The following ACO1 variants were observed in gnomAD, a reference collection of about 807,000 sequenced individuals.
ACO1 encodes cytoplasmic aconitate hydratase.
In ACO1, 78 loss-of-function variants were observed where a neutral mutation model predicts 105.1. The observed-to-expected ratio is 0.74, with a 90% confidence interval of 0.62 to 0.90. The LOEUF (loss-of-function observed/expected upper bound fraction) is 0.90, where lower values mean the gene tolerates loss of function less well. Ranked by LOEUF, ACO1 falls within the 40% of genes least tolerant of loss-of-function variation. The probability of loss-of-function intolerance (pLI) is 0.00; values close to 1 mark genes in which losing one functional copy is unlikely to be tolerated. For synonymous variants in ACO1, 364 were observed against 397.4 expected, an observed-to-expected ratio of 0.92 and a Z score of 1.00; for missense variants, 965 against 1,111.1, an observed-to-expected ratio of 0.87 and a Z score of 1.87.
At position 32,445,096 on chromosome 9, in the gene ACO1, G is replaced by A. The variant is rs538916309; in HGVS notation, c.2371-3800G>A. Among the ~76,000 whole-genome samples, 218 of 152,214 alleles carry A rather than the reference G, an allele frequency of 1.4e-3. 1 individual carries two copies. Among genetic ancestry groups the A allele is most frequent in the South Asian group, 6.0e-3 (29 of 4,824 alleles). ...ATTTTTTTTGGTTGTGTCTCTGCCCGGCTTTGGTATCAGGATGATGCTGGC... is the reference window on the plus strand; with the variant it reads ...ATTTTTTTTGGTTGTGTCTCTGCCCAGCTTTGGTATCAGGATGATGCTGGC... On this transcript the variant is annotated intron_variant, in intron 19 of 20. Transcript: ENST00000309951.
intron 17 of ACO1, chr9:32,435,924 T>A: frequency 2.2e-6 from 1 of 446,970 alleles, no homozygotes. Context: ...TAGCTCTTTA[T>A]CTTATATGAA....
chr9:32,396,644 T>C (rs983579725), intron 1 of ACO1, among the ~76,000 whole-genome samples: 1 of 144,602 alleles, frequency 6.9e-6, no homozygotes, highest in African/African-American at 2.5e-5. Context: ...CCCTGTACTT[T>C]CTACTGCTTT....
chr9:32,425,272 G>A (rs13293491), intron 10 of ACO1, among the ~76,000 whole-genome samples: 48,162 of 152,090 alleles, frequency 0.32, 8,061 homozygotes, highest in East Asian at 0.53. Context: ...TCTTACATGC[G>A]GTAGATTTTC....
intron 1 of ACO1, among the ~76,000 whole-genome samples, chr9:32,385,657 TGAA>T (rs761468937): frequency 8.5e-5 from 13 of 152,364 alleles, no homozygotes; most frequent in Admixed American, 3.3e-4. Context: ...CAAGCGTAAT[TGAA>T]GACAGCTGGA....
At chr9:32,442,259 T>A (rs968256918) in intron 19 of ACO1, among the ~76,000 whole-genome samples, 3 of 152,002 alleles carry the variant, frequency 2.0e-5, no homozygotes, top group African/African-American at 7.3e-5. Context: ...CTCAAAATTG[T>A]AAGAATCACT....
intron 8 of ACO1, 65 bp from the exon 9 acceptor site, chr9:32,423,254 G>C: frequency 2.2e-6 from 2 of 899,190 alleles, no homozygotes; most frequent in Non-Finnish European, 1.7e-6. Flanking sequence ...GGAAGTATCA[G>C]TTTATAAACT....
chr9:32,429,338 C>G (rs1822173534), intron 12 of ACO1, 81 bp from the exon 13 acceptor site: 1 of 1,307,024 alleles, frequency 7.7e-7, no homozygotes, highest in Middle Eastern at 2.0e-4. Flanking sequence ...GAACAGTGGT[C>G]TCTGGAAACT....
chr9:32,433,798 C>T lies in ACO1; in HGVS notation c.1922C>T (p.Thr641Met), dbSNP rs770368084. 4.3e-6 allele frequency: 7 copies of T among 1,612,200 alleles called. No individual in the cohort carries two copies. The highest frequency in any genetic ancestry group is 5.1e-6 in the Non-Finnish European group (6 of 1,179,524). ...DKLFFWNSKS[T>M]YIKSPPFFEN... The stretch of plus-strand genomic sequence containing the variant: ...CTGTTTTTCTGGAATTCCAAATCTA[C>T]GTATATCAAATCACCACCATTCTTT... The change falls in exon 16 of 21, where the codon ACG becomes ATG. Residue 641 changes from threonine (T) to methionine (M), a missense_variant. Thr to Met is a moderately conservative substitution (Grantham distance 81). Transcript: ENST00000309951.
At chr9:32,388,428 G>C (rs1279490229) in intron 1 of ACO1, among the ~76,000 whole-genome samples, 2 of 152,114 alleles carry the variant, frequency 1.3e-5, no homozygotes, top group African/African-American at 4.8e-5. Context: ...CCAGCTACTT[G>C]GGAGGCAGAG....
At chr9:32,447,770 T>C (rs1033411737) in intron 19 of ACO1, among the ~76,000 whole-genome samples, 1 of 152,200 alleles carries the variant, frequency 6.6e-6, no homozygotes, top group African/African-American at 2.4e-5. Flanking sequence ...GTCCTTTTGG[T>C]TGATGTTGAT....
At position 32,393,176 on chromosome 9, in the gene ACO1, A is replaced by G. The variant is rs146935110; in HGVS notation, c.-23+8441A>G. Reference sequence around the variant, plus strand: ...ACTGCCGGTGAGCCGGGGGGGAAACAGAGCCATATGTCTCTTCTTTCTAAA... The same window carrying G: ...ACTGCCGGTGAGCCGGGGGGGAAACGGAGCCATATGTCTCTTCTTTCTAAA... On this transcript the variant is annotated intron_variant, in intron 1 of 20. Transcript: ENST00000309951. Among the ~76,000 whole-genome samples, 4 of 152,386 alleles carry G rather than the reference A, an allele frequency of 2.6e-5. No individual in the cohort carries two copies. The East Asian group carries it at 7.7e-4, about 29-fold the overall frequency.
At chr9:32,397,027 C>G (rs1440169173) in intron 1 of ACO1, among the ~76,000 whole-genome samples, 1 of 151,482 alleles carries the variant, frequency 6.6e-6, no homozygotes, top group Admixed American at 6.6e-5. Context: ...GGTCAGTTAT[C>G]CAGGATGAGA....
Position 32,440,574 on chromosome 9 carries a change from G to C in ACO1, c.2357G>C (p.Gly786Ala). Residue 786 changes from glycine to alanine, a missense_variant, in exon 19 of 21, where the codon GGC (glycine) becomes GCC (alanine). Gly to Ala is a moderately conservative substitution (Grantham distance 60, BLOSUM62 0). Transcript: ENST00000309951. ...AGCTCCCGAGACTGGGCAGCTAAGGGCCCTTTCCTGCTGGTGAGTATGAAG... is the reference window on the plus strand; with the variant it reads ...AGCTCCCGAGACTGGGCAGCTAAGGCCCCTTTCCTGCTGGTGAGTATGAAG... ...AGSSRDWAAK[G>A]PFLLGIKAVL... The C allele has an allele frequency of 1.2e-6, 2 of 1,613,808 alleles. No individual in the cohort carries two copies. Among genetic ancestry groups the C allele is most frequent in the Non-Finnish European group, 1.7e-6 (2 of 1,179,844 alleles).
chr9:32,407,222 C>T, intron 2 of ACO1, 39 bp from the exon 3 acceptor site: 1 of 1,603,778 alleles, frequency 6.2e-7, no homozygotes, highest in Admixed American at 1.7e-5. Flanking sequence ...CTTAAGTTGT[C>T]TCACAGGTTT....
At chr9:32,386,916 A>T (rs1821167189) in intron 1 of ACO1, among the ~76,000 whole-genome samples, 1 of 152,210 alleles carries the variant, frequency 6.6e-6, no homozygotes, top group African/African-American at 2.4e-5. Context: ...TAGCTTTGAT[A>T]ACTGCTGGTT....
intron 1 of ACO1, among the ~76,000 whole-genome samples, chr9:32,398,316 G>T (rs1206080622): frequency 6.6e-6 from 1 of 152,186 alleles, no homozygotes; most frequent in Non-Finnish European, 1.5e-5. Context: ...CTTAAAGTAA[G>T]TCGACTGTTC....
At chr9:32,428,026 G>A (rs1822138303) in intron 12 of ACO1, among the ~76,000 whole-genome samples, 2 of 151,834 alleles carry the variant, frequency 1.3e-5, no homozygotes, top group Non-Finnish European at 2.9e-5. Flanking sequence ...TGTAATATCA[G>A]TGCTTTGGGA....
At chr9:32,385,247 A>G (rs142911689) in intron 1 of ACO1, among the ~76,000 whole-genome samples, 4 of 152,302 alleles carry the variant, frequency 2.6e-5, no homozygotes, top group African/African-American at 9.6e-5. Flanking sequence ...AGATTCAGAG[A>G]TCTAGAAAGG....
At chr9:32,390,793 T>G (rs1204800329) in intron 1 of ACO1, among the ~76,000 whole-genome samples, 1 of 152,194 alleles carries the variant, frequency 6.6e-6, no homozygotes, top group Admixed American at 6.5e-5. Flanking sequence ...TTCGAGCCAA[T>G]ATAAAAACGT....
Sources: gnomAD v4.1 joint callset for allele counts (sites outside exome capture counted in the v4.1 genomes callset) on GRCh38, gnomAD v4.1.1 for gene constraint, MANE v1.5 for transcripts, NCBI Gene and HGNC (gene_info 2026-07-23, HGNC 2026-07-21) for gene names.